Variants in GRK3 observed in about 807,000 individuals in gnomAD.
GRK3 encodes the protein G protein-coupled receptor kinase 3, also known as adrenergic, beta, receptor kinase 2.
A neutral mutation model predicts 95.7 loss-of-function variants in GRK3; 54 were observed. The ratio of observed to expected loss-of-function variants is 0.56; its 90% CI spans 0.45 to 0.71. The LOEUF is 0.71. GRK3 is among the 30% of genes least tolerant of loss of function. The pLI is 0.00. For missense variants in GRK3, 649 were observed against 851.2 expected, an observed-to-expected ratio of 0.76 and a Z score of 2.96; for synonymous variants, 281 against 290.8, an observed-to-expected ratio of 0.97 and a Z score of 0.34.
chr22:25,654,300 T>C (rs1432384793), intron 3 of GRK3, among the ~76,000 whole-genome samples: 2 of 152,136 alleles, frequency 1.3e-5, no homozygotes, highest in African/African-American at 2.4e-5. Flanking sequence ...CATTAAATGG[T>C]CAAAAGAAAG....
At chr22:25,614,704 T>A (rs2331035) in intron 2 of GRK3, among the ~76,000 whole-genome samples, 1 of 152,144 alleles carries the variant, frequency 6.6e-6, no homozygotes, top group African/African-American at 2.4e-5. Context: ...GCATATGAAG[T>A]TCTTTAAAAA....
Position 25,727,018 on chromosome 22 carries a change from T to C in GRK3, c.*4568T>C, listed in dbSNP as rs1198150821. The C allele has an allele frequency of 6.6e-6, 1 of 151,420 alleles. No homozygotes were observed. Among genetic ancestry groups the C allele is most frequent in the Non-Finnish European group, 1.5e-5 (1 of 68,174 alleles). The allele number at this position is 151,420 out of a possible 1,614,324, so 9.4% of individuals were successfully genotyped here. A position where few individuals can be genotyped will look rare whatever the true frequency, so the allele number is the denominator to read the frequency against. On this transcript the variant is annotated 3_prime_UTR_variant, in exon 21 of 21. Transcript: ENST00000324198. ...GGATCACTGTGAATGCATTGCCCCATTGGTCAGTTGGGGACACTGTTACAA... is the reference window on the plus strand; with the variant it reads ...GGATCACTGTGAATGCATTGCCCCACTGGTCAGTTGGGGACACTGTTACAA...
chr22:25,671,284 A>G (rs780708996), intron 6 of GRK3, among the ~76,000 whole-genome samples: 9 of 151,794 alleles, frequency 5.9e-5, no homozygotes, highest in South Asian at 4.2e-4. Flanking sequence ...AGCTTGCAGT[A>G]AGCCGAGATG....
chr22:25,705,528 CA>C (rs1169340575), intron 15 of GRK3, among the ~76,000 whole-genome samples: 2 of 152,202 alleles, frequency 1.3e-5, no homozygotes, highest in Non-Finnish European at 2.9e-5. Flanking sequence ...GTTAAGGAAT[CA>C]AAAATGTTGT....
At chr22:25,613,923 A>T (rs2331078) in intron 2 of GRK3, among the ~76,000 whole-genome samples, 4 of 149,494 alleles carry the variant, frequency 2.7e-5, no homozygotes, top group African/African-American at 9.9e-5. Flanking sequence ...TTTTTTTTTT[A>T]AACCCAGCTT....
chr22:25,693,940 CGCCACCACGCCTG>C (rs1450634828), intron 12 of GRK3, among the ~76,000 whole-genome samples: 9 of 152,068 alleles, frequency 5.9e-5, no homozygotes, highest in African/African-American at 1.9e-4. Flanking sequence ...TACAGGCATG[CGCCACCACGCCTG>C]GCTAATTTTG....
At chr22:25,617,581 A>C (rs978479535) in intron 2 of GRK3, among the ~76,000 whole-genome samples, 5 of 152,364 alleles carry the variant, frequency 3.3e-5, no homozygotes, top group South Asian at 2.1e-4. Context: ...CAGAAAGCAT[A>C]GTCTTGCCCT....
In GRK3 at chr22:25,667,758, G is replaced by T; in HGVS notation, c.461G>T (p.Cys154Phe). 1 of 1,612,102 alleles carries T rather than the reference G, an allele frequency of 6.2e-7. No individual in the cohort carries two copies. The highest frequency in any genetic ancestry group is 1.1e-5 in the South Asian group (1 of 90,980). Residue 154 changes from cysteine (C) to phenylalanine (F), a missense_variant, in exon 6 of 21, where the codon TGT becomes TTT. Coordinates refer to ENST00000324198, the MANE Select transcript of GRK3 (RefSeq NM_005160.4). The stretch of plus-strand genomic sequence containing the variant: ...TTCCAGCCATACATAGAAGAAATTT[G>T]TGAAAGCCTTCGAGGTGACATTTTT... ...TLFQPYIEEI[C>F]ESLRGDIFQK...
At chr22:25,589,890 T>C (rs1238086700) in intron 1 of GRK3, among the ~76,000 whole-genome samples, 8 of 151,258 alleles carry the variant, frequency 5.3e-5, no homozygotes, top group African/African-American at 7.3e-5. Flanking sequence ...GGCAAGAGAG[T>C]GTGTGCAGGG....
At chr22:25,630,942 C>A (rs956352198) in intron 2 of GRK3, among the ~76,000 whole-genome samples, 1 of 151,978 alleles carries the variant, frequency 6.6e-6, no homozygotes, top group Non-Finnish European at 1.5e-5. Context: ...AGTTTTAAGT[C>A]AAGAAGTAAA....
intron 1 of GRK3, among the ~76,000 whole-genome samples, chr22:25,601,357 TA>T (rs2084408643): frequency 6.6e-6 from 1 of 152,156 alleles, no homozygotes; most frequent in Admixed American, 6.6e-5. Context: ...AACAGAAAGA[TA>T]ACTGGAAATC....
intron 1 of GRK3, among the ~76,000 whole-genome samples, chr22:25,575,290 T>A (rs1468594123): frequency 1.3e-5 from 2 of 152,226 alleles, no homozygotes; most frequent in East Asian, 3.8e-4. Context: ...AGTGAAGCGT[T>A]ATGGCCTATG....
intron 1 of GRK3, among the ~76,000 whole-genome samples, chr22:25,587,171 G>A (rs1244172030): frequency 5.3e-5 from 8 of 152,250 alleles, no homozygotes; most frequent in South Asian, 4.1e-4. Flanking sequence ...GATTATAGGC[G>A]TGAGCCACCG....
At chr22:25,669,841 G>A (rs1302846895) in intron 6 of GRK3, among the ~76,000 whole-genome samples, 1 of 152,182 alleles carries the variant, frequency 6.6e-6, no homozygotes, top group African/African-American at 2.4e-5. Context: ...TCCATCCCCT[G>A]TCACCAGCTC....
intron 5 of GRK3, among the ~76,000 whole-genome samples, chr22:25,664,581 T>C (rs1167706942): frequency 3.4e-5 from 5 of 145,576 alleles, no homozygotes; most frequent in East Asian, 2.0e-4. Flanking sequence ...AGTGCAGTGG[T>C]GCTATCTCTG....
chr22:25,598,585 G>A (rs1286773026), intron 1 of GRK3, among the ~76,000 whole-genome samples: 4 of 151,862 alleles, frequency 2.6e-5, no homozygotes, highest in Non-Finnish European at 4.4e-5. Context: ...TGAGGTGAGA[G>A]AATTGCTTGA....
intron 7 of GRK3, among the ~76,000 whole-genome samples, chr22:25,672,934 C>T (rs1361182898): frequency 6.6e-6 from 1 of 151,466 alleles, no homozygotes; most frequent in Non-Finnish European, 1.5e-5. Context: ...CATTTCTTTG[C>T]ACAGTCTTTC....
chr22:25,625,645 A>G (rs1212351602), intron 2 of GRK3, among the ~76,000 whole-genome samples: 3 of 152,144 alleles, frequency 2.0e-5, no homozygotes, highest in Non-Finnish European at 2.9e-5. Flanking sequence ...GCCCACAGTT[A>G]TCCGGAGGCC....
In GRK3 at chr22:25,723,895, A is replaced by G. The variant is rs1222300012; in HGVS notation, c.*1445A>G. 6.6e-6 allele frequency: 1 copy of G among 151,264 alleles called. No homozygotes were observed. Among genetic ancestry groups the G allele is most frequent in the Admixed American group, 6.6e-5 (1 of 15,208 alleles). The allele number at this position is 151,264 out of a possible 1,614,324, so 9.4% of individuals were successfully genotyped here. On this transcript the variant is annotated 3_prime_UTR_variant, in exon 21 of 21. Coordinates refer to ENST00000324198, the MANE Select transcript of GRK3 (RefSeq NM_005160.4). ...TACTTTTTAATGCAGTTATTTTGAG[A>G]GTTTGGAAGATAATTACCAAAAGGG...
Sources: allele counts gnomAD v4.1 joint callset (sites outside exome capture counted in the v4.1 genomes callset), GRCh38; gene constraint gnomAD v4.1.1; transcripts MANE v1.5; gene names NCBI Gene and HGNC (gene_info 2026-07-23, HGNC 2026-07-21).